LIN28B: variants seen among roughly 807,000 people sequenced by gnomAD.
LIN28B encodes protein lin-28 homolog B.
Under a neutral mutation model 21.9 loss-of-function variants are expected in LIN28B, and 5 were observed. That is an observed-to-expected ratio of 0.23 (90% CI 0.12 to 0.48). The LOEUF is 0.48. Among genes scored for constraint, LIN28B ranks in the 20% least tolerant of loss-of-function variants. The probability of loss-of-function intolerance (pLI) is 0.98; values close to 1 mark genes in which losing one functional copy is unlikely to be tolerated. For synonymous variants in LIN28B, 109 were observed against 111.3 expected (o/e 0.98, Z 0.13); for missense variants, 245 against 310.5 (o/e 0.79, Z 1.58).
intron 2 of LIN28B, among the ~76,000 whole-genome samples, chr6:104,946,055 TTGAG>T (rs1778153228): frequency 6.6e-6 from 1 of 151,966 alleles, no homozygotes; most frequent in Admixed American, 6.6e-5. Flanking sequence ...TGATTTAAGG[TTGAG>T]TGTTTCATAT....
At position 104,968,267 on chromosome 6, in the gene LIN28B, G is replaced by A. The variant is rs546045134; in HGVS notation, c.198+9981G>A. On this transcript the variant is annotated intron_variant, in intron 2 of 3. Coordinates refer to ENST00000345080, the MANE Select transcript of LIN28B (RefSeq NM_001004317.4). ...TGTTGTATTCACTTCCTTTTACGAAGTCTAATTATACAGTCTCTACCAATT... is the reference window on the plus strand; with the variant it reads ...TGTTGTATTCACTTCCTTTTACGAAATCTAATTATACAGTCTCTACCAATT... 1.6e-3 allele frequency among the ~76,000 whole-genome samples: 246 copies of A among 152,276 alleles called. 1 individual carries two copies. Among genetic ancestry groups the A allele is most frequent in the Admixed American group, 4.0e-3 (61 of 15,290 alleles).
intron 3 of LIN28B, among the ~76,000 whole-genome samples, chr6:105,030,612 T>TTTTTC (rs1562099097): frequency 6.8e-6 from 1 of 147,382 alleles, no homozygotes; most frequent in African/African-American, 2.5e-5. Context: ...TTTTTTTTTT[T>TTTTTC]TGGAGACAGA....
At chr6:105,015,575 C>G (rs939227747) in intron 2 of LIN28B, among the ~76,000 whole-genome samples, 10 of 152,034 alleles carry the variant, frequency 6.6e-5, no homozygotes, top group African/African-American at 2.4e-4. Context: ...TGATATTCTT[C>G]TGTTTATCTC....
intron 3 of LIN28B, among the ~76,000 whole-genome samples, chr6:105,039,406 A>G (rs1771587772): frequency 6.6e-6 from 1 of 152,196 alleles, no homozygotes; most frequent in South Asian, 2.1e-4. Context: ...GTTAAAGTGA[A>G]CATATTAGAG....
intron 3 of LIN28B, among the ~76,000 whole-genome samples, chr6:105,056,148 T>A (rs1249933642): frequency 6.6e-6 from 1 of 152,110 alleles, no homozygotes; most frequent in Non-Finnish European, 1.5e-5. Context: ...ATATTTATGA[T>A]AGCGATTTTG....
intron 3 of LIN28B, among the ~76,000 whole-genome samples, chr6:105,047,682 C>T (rs1771799444): frequency 6.6e-6 from 1 of 152,172 alleles, no homozygotes; most frequent in African/African-American, 2.4e-5. Context: ...TTTGTGTCCT[C>T]TTTTATTTCA....
chr6:104,939,486 C>T (rs1453363905), intron 2 of LIN28B: 1 of 152,156 alleles, frequency 6.6e-6, no homozygotes, highest in Non-Finnish European at 1.5e-5. Context: ...AGTTTGTCTG[C>T]ATTGATCTCA....
intron 2 of LIN28B, among the ~76,000 whole-genome samples, chr6:104,965,388 C>T (rs758639639): frequency 6.6e-5 from 10 of 152,158 alleles, no homozygotes; most frequent in Non-Finnish European, 1.5e-4. Context: ...GGCCTGATGG[C>T]ATGCACCTGT....
chr6:104,950,394 T>C (rs1582858757), intron 2 of LIN28B: 3 of 835,866 alleles, frequency 3.6e-6, no homozygotes, highest in East Asian at 3.4e-5. Flanking sequence ...CTAATGGCCA[T>C]TAGGATGAAG....
intron 3 of LIN28B, among the ~76,000 whole-genome samples, chr6:104,951,507 A>C (rs755238516): frequency 3.2e-4 from 48 of 152,064 alleles, no homozygotes; most frequent in Middle Eastern, 3.4e-3. Context: ...GTTTCCTCTT[A>C]TTATTGTTTT....
intron 3 of LIN28B, among the ~76,000 whole-genome samples, chr6:105,064,666 A>T (rs1388623618): frequency 6.6e-6 from 1 of 152,236 alleles, no homozygotes; most frequent in Non-Finnish European, 1.5e-5. Flanking sequence ...TTCTGAAATA[A>T]ATATATTTTT....
upstream of LIN28B, among the ~76,000 whole-genome samples, chr6:104,955,325 C>T (rs1308736141): frequency 6.6e-6 from 1 of 151,918 alleles, no homozygotes; most frequent in African/African-American, 2.4e-5. Flanking sequence ...TTTCTTTTCT[C>T]CCTAACAGCT....
chr6:104,958,369 A>T, intron 2 of LIN28B, 83 bp downstream of exon 2: 1 of 1,109,868 alleles, frequency 9.0e-7, no homozygotes, highest in Non-Finnish European at 1.3e-6. Flanking sequence ...GACGTACGAT[A>T]AGATGTCCTT....
At chr6:105,051,912 A>G (rs1351147011) in intron 3 of LIN28B, among the ~76,000 whole-genome samples, 1 of 152,222 alleles carries the variant, frequency 6.6e-6, no homozygotes, top group African/African-American at 2.4e-5. Context: ...AATGTATATA[A>G]TGTGACGTCA....
chr6:104,963,499 T>C (rs778377961), intron 2 of LIN28B, among the ~76,000 whole-genome samples: 2 of 152,216 alleles, frequency 1.3e-5, no homozygotes, highest in Non-Finnish European at 2.9e-5. Context: ...GAAATGTGAA[T>C]TGGGTACATA....
At chr6:105,012,017 G>A (rs558809115) in intron 2 of LIN28B, among the ~76,000 whole-genome samples, 1 of 152,172 alleles carries the variant, frequency 6.6e-6, no homozygotes, top group South Asian at 2.1e-4. Flanking sequence ...AATTAGCTGG[G>A]TGTGGTGGCA....
Position 104,957,206 on chromosome 6 carries a change from AAGTTTTCATCTCACG to A in LIN28B, c.-39_-25del. ...AGAAGATCACTCCGTTCCAAAGGGA[AAGTTTTCATCTCACG>A]AGTTTGGAGCTGAGGGCCCGTGGGG... On this transcript the variant is annotated 5_prime_UTR_variant, in exon 1 of 4. Coordinates refer to ENST00000345080, the MANE Select transcript of LIN28B (RefSeq NM_001004317.4). The A allele has an allele frequency of 6.2e-7, 1 of 1,613,976 alleles. No homozygotes were observed. Among genetic ancestry groups the A allele is most frequent in the Non-Finnish European group, 8.5e-7 (1 of 1,179,890 alleles).
intron 3 of LIN28B, among the ~76,000 whole-genome samples, chr6:105,077,117 C>A (rs1435164800): frequency 6.6e-6 from 1 of 151,844 alleles, no homozygotes; most frequent in Non-Finnish European, 1.5e-5. Context: ...GTAATCCTAG[C>A]TACTCCCGAG....
At chr6:105,018,316 A>G (rs1771069764) in intron 2 of LIN28B, among the ~76,000 whole-genome samples, 1 of 152,134 alleles carries the variant, frequency 6.6e-6, no homozygotes, top group African/African-American at 2.4e-5. Flanking sequence ...ATTCCGTGAT[A>G]TGACTCTAGC....
Sources: allele counts gnomAD v4.1 joint callset (sites outside exome capture counted in the v4.1 genomes callset), GRCh38; gene constraint gnomAD v4.1.1; transcripts MANE v1.5; gene names NCBI Gene and HGNC (gene_info 2026-07-23, HGNC 2026-07-21).